Variants in RFX3 observed in about 807,000 individuals in gnomAD.
The protein encoded by RFX3 is transcription factor RFX3.
Under a neutral mutation model 98.6 loss-of-function variants are expected in RFX3, and 14 were observed. The observed-to-expected ratio is 0.14, with a 90% CI of 0.09 to 0.22. RFX3 has a LOEUF of 0.22. Ranked by LOEUF, RFX3 falls within the 10% of genes least tolerant of loss-of-function variation. The pLI, the probability that RFX3 is intolerant of heterozygous loss-of-function variation, is 1.00. For missense variants in RFX3, 639 were observed against 926.9 expected (o/e 0.69, Z 4.03); for synonymous variants, 383 against 328.4 (o/e 1.17, Z -1.80).
chr9:3,368,233 T>C (rs1266862760), intron 2 of RFX3, among the ~76,000 whole-genome samples: 2 of 152,040 alleles, frequency 1.3e-5, no homozygotes, highest in Non-Finnish European at 2.9e-5. Flanking sequence ...AGCTGATTTA[T>C]ATAATTTAAA....
intron 1 of RFX3, among the ~76,000 whole-genome samples, chr9:3,459,328 A>G (rs893498745): frequency 2.0e-5 from 3 of 152,172 alleles, no homozygotes; most frequent in African/African-American, 2.4e-5. Flanking sequence ...AATCAAAGGA[A>G]TTTTACCAAA....
intron 8 of RFX3, among the ~76,000 whole-genome samples, chr9:3,277,129 G>A (rs1436018481): frequency 2.0e-5 from 3 of 151,886 alleles, no homozygotes; most frequent in African/African-American, 7.3e-5. Context: ...ACGCATAAAA[G>A]TCCTATATAG....
At chr9:3,345,029 G>A (rs373821392) in intron 3 of RFX3, 4 of 567,026 alleles carry the variant, frequency 7.1e-6, no homozygotes, top group South Asian at 4.7e-5. Context: ...TGCCAAGTTC[G>A]CATTCAGGGA....
intron 1 of RFX3, among the ~76,000 whole-genome samples, chr9:3,498,783 G>T (rs1258406575): frequency 6.6e-6 from 1 of 152,036 alleles, no homozygotes; most frequent in African/African-American, 2.4e-5. Context: ...ACAACTGTTT[G>T]TACCTCTTGC....
At chr9:3,510,292 G>A (rs1342873821) in intron 1 of RFX3, among the ~76,000 whole-genome samples, 1 of 151,648 alleles carries the variant, frequency 6.6e-6, no homozygotes, top group Non-Finnish European at 1.5e-5. Flanking sequence ...ATGCAAACAG[G>A]GCCAGGTTAT....
intron 14 of RFX3, among the ~76,000 whole-genome samples, chr9:3,254,219 G>A (rs1296519625): frequency 1.3e-5 from 2 of 151,704 alleles, no homozygotes; most frequent in African/African-American, 4.8e-5. Flanking sequence ...ACAGATCTCT[G>A]TGGAGATGAA....
At chr9:3,502,433 T>C (rs148169221) in intron 1 of RFX3, among the ~76,000 whole-genome samples, 109 of 152,344 alleles carry the variant, frequency 7.2e-4, no homozygotes, top group East Asian at 3.7e-3. Flanking sequence ...CACATCATAT[T>C]ATGAATGCCA....
chr9:3,427,655 C>T (rs776809086), intron 1 of RFX3, among the ~76,000 whole-genome samples: 3 of 151,596 alleles, frequency 2.0e-5, no homozygotes, highest in Non-Finnish European at 4.4e-5. Context: ...GAGAAAATCC[C>T]AAGGTGTTTC....
chr9:3,474,918 A>C (rs1297103191), intron 1 of RFX3, among the ~76,000 whole-genome samples: 1 of 152,066 alleles, frequency 6.6e-6, no homozygotes, highest in Non-Finnish European at 1.5e-5. Flanking sequence ...TGGGCAACAC[A>C]GGAAGATCCC....
chr9:3,230,818 G>T lies in RFX3; in HGVS notation c.1969-1929C>A, dbSNP rs374887745. Among the ~76,000 whole-genome samples, 236 of 152,302 alleles carry T rather than the reference G, an allele frequency of 1.5e-3. 1 individual carries two copies. Among genetic ancestry groups the T allele is most frequent in the African/African-American group, 5.5e-3 (228 of 41,564 alleles). On this transcript the variant is annotated intron_variant, in intron 15 of 16. Transcript: ENST00000617270. The stretch of plus-strand genomic sequence containing the variant: ...GTTGAAAAGTCTCTGCAAGTTGTTT[G>T]TAGTTAAGTTATTATTGCTATTGCT...
chr9:3,389,082 AC>A (rs1374582585), intron 2 of RFX3, among the ~76,000 whole-genome samples: 5 of 152,134 alleles, frequency 3.3e-5, no homozygotes, highest in Admixed American at 2.6e-4. Flanking sequence ...TTTGTGGAAT[AC>A]CTGGAGCCCA....
At chr9:3,411,956 A>C (rs916314500) in intron 1 of RFX3, among the ~76,000 whole-genome samples, 1 of 152,188 alleles carries the variant, frequency 6.6e-6, no homozygotes, top group African/African-American at 2.4e-5. Context: ...TTATTTTCAC[A>C]CATCTGGACA....
chr9:3,443,834 T>C (rs867557888), intron 1 of RFX3, among the ~76,000 whole-genome samples: 3 of 152,214 alleles, frequency 2.0e-5, no homozygotes, highest in Non-Finnish European at 4.4e-5. Flanking sequence ...GATGTAAAAG[T>C]ATTCCTTTTT....
At chr9:3,362,770 A>G (rs952444935) in intron 2 of RFX3, among the ~76,000 whole-genome samples, 2 of 152,222 alleles carry the variant, frequency 1.3e-5, no homozygotes, top group African/African-American at 2.4e-5. Context: ...AATTAGTTCA[A>G]TAAATCATCC....
chr9:3,498,713 C>T (rs572684963), intron 1 of RFX3, among the ~76,000 whole-genome samples: 1 of 152,164 alleles, frequency 6.6e-6, no homozygotes, highest in East Asian at 1.9e-4. Flanking sequence ...GAAGGTTGCC[C>T]ATTTTTGAAA....
At chr9:3,264,372 G>C (rs188839480) in intron 12 of RFX3, among the ~76,000 whole-genome samples, 1 of 152,148 alleles carries the variant, frequency 6.6e-6, no homozygotes, top group Admixed American at 6.6e-5. Context: ...TAAGGTACGA[G>C]CAGTTGAATG....
chr9:3,314,204 T>C (rs1830298819), intron 4 of RFX3, among the ~76,000 whole-genome samples: 2 of 152,066 alleles, frequency 1.3e-5, no homozygotes, highest in Non-Finnish European at 2.9e-5. Context: ...CAGAAGACAG[T>C]GGGGGCCAAT....
chr9:3,408,246 A>G (rs1452287662), intron 1 of RFX3, among the ~76,000 whole-genome samples: 1 of 152,172 alleles, frequency 6.6e-6, no homozygotes, highest in African/African-American at 2.4e-5. Context: ...ATCAAGGGCA[A>G]TAACTGAGAA....
chr9:3,270,622 G>T, intron 10 of RFX3, 97 bp from the exon 11 acceptor site: 1 of 1,216,982 alleles, frequency 8.2e-7, no homozygotes, highest in Non-Finnish European at 1.2e-6. Flanking sequence ...ATATTACTGA[G>T]GTTAGAACTA....
Sources: gnomAD v4.1 joint callset for allele counts (sites outside exome capture counted in the v4.1 genomes callset) on GRCh38, gnomAD v4.1.1 for gene constraint, MANE v1.5 for transcripts, NCBI Gene and HGNC (gene_info 2026-07-23, HGNC 2026-07-21) for gene names.